Variants in LHFPL3 observed in about 807,000 individuals in gnomAD.
LHFPL3 encodes the protein LHFPL tetraspan subfamily member 3 protein.
In LHFPL3, 5 loss-of-function variants were observed where a neutral mutation model predicts 19.3. The ratio of observed to expected loss-of-function variants is 0.26; its 90% confidence interval spans 0.14 to 0.54. LHFPL3 has a LOEUF of 0.54. LHFPL3 is among the 20% of genes least tolerant of loss of function. The pLI is 0.94. For missense variants in LHFPL3, 249 were observed against 307.4 expected (o/e 0.81, Z 1.42); for synonymous variants, 133 against 126.2 (o/e 1.05, Z -0.36).
intron 1 of LHFPL3, among the ~76,000 whole-genome samples, chr7:104,641,311 C>T (rs1363275169): frequency 1.3e-5 from 2 of 152,226 alleles, no homozygotes; most frequent in Non-Finnish European, 2.9e-5. Flanking sequence ...AAATTAGAAT[C>T]ACAAGTAGCT....
At chr7:104,651,007 T>C (rs1792023165) in intron 1 of LHFPL3, among the ~76,000 whole-genome samples, 1 of 152,140 alleles carries the variant, frequency 6.6e-6, no homozygotes. Flanking sequence ...ACCATCTTCT[T>C]ATGACAGCAG....
rs562521670 is a variant in LHFPL3 at position 104,338,364 on chromosome 7, G to A, written c.445+9140G>A. 2.6e-5 allele frequency among the ~76,000 whole-genome samples: 4 copies of A among 152,160 alleles called. No individual in the cohort carries two copies. The South Asian group carries it at 6.2e-4, about 24-fold the overall frequency. Reference sequence around the variant, plus strand: ...TCTGCCCGCCTCGGCCTCCCAAAGTGCTGGGATTGCAGATGTGAACCACTG... The same window carrying A: ...TCTGCCCGCCTCGGCCTCCCAAAGTACTGGGATTGCAGATGTGAACCACTG... On this transcript the variant is annotated intron_variant, in intron 1 of 2. Coordinates refer to ENST00000424859, the MANE Select transcript of LHFPL3 (RefSeq NM_199000.3).
chr7:104,806,999 A>C (rs1790371719), intron 2 of LHFPL3, among the ~76,000 whole-genome samples: 1 of 145,110 alleles, frequency 6.9e-6, no homozygotes, highest in African/African-American at 2.5e-5. Context: ...ATTGTGCCCC[A>C]CCAAAATATA....
At chr7:104,463,063 T>C (rs1792706714) in intron 1 of LHFPL3, among the ~76,000 whole-genome samples, 1 of 152,208 alleles carries the variant, frequency 6.6e-6, no homozygotes, top group African/African-American at 2.4e-5. Flanking sequence ...TTATTTTTAT[T>C]TCTGTGGGGT....
At chr7:104,597,822 G>T (rs1790892448) in intron 1 of LHFPL3, among the ~76,000 whole-genome samples, 1 of 152,140 alleles carries the variant, frequency 6.6e-6, no homozygotes, top group African/African-American at 2.4e-5. Flanking sequence ...AGCTATGCAT[G>T]AATTACAATT....
chr7:104,555,081 C>T (rs1794738922), intron 1 of LHFPL3, among the ~76,000 whole-genome samples: 1 of 152,166 alleles, frequency 6.6e-6, no homozygotes, highest in Non-Finnish European at 1.5e-5. Flanking sequence ...CCTACTCAGT[C>T]CACCAACTCA....
At chr7:104,744,597 T>C (rs1794004971) in intron 2 of LHFPL3, among the ~76,000 whole-genome samples, 1 of 152,196 alleles carries the variant, frequency 6.6e-6, no homozygotes, top group African/African-American at 2.4e-5. Context: ...ATTCCTCTCC[T>C]CCCACTCTTT....
chr7:104,680,538 C>T (rs146621282), intron 1 of LHFPL3, among the ~76,000 whole-genome samples: 74 of 152,268 alleles, frequency 4.9e-4, no homozygotes, highest in African/African-American at 1.8e-3. Flanking sequence ...ACCATTTCCT[C>T]GTTCTCATCA....
intron 1 of LHFPL3, among the ~76,000 whole-genome samples, chr7:104,444,301 G>T (rs557881987): frequency 9.9e-5 from 15 of 152,258 alleles, no homozygotes; most frequent in Admixed American, 3.9e-4. Context: ...AGCATTGGGG[G>T]TTTTTTTGGC....
intron 1 of LHFPL3, among the ~76,000 whole-genome samples, chr7:104,449,220 A>G (rs1792385293): frequency 6.6e-6 from 1 of 152,238 alleles, no homozygotes; most frequent in Admixed American, 6.5e-5. Flanking sequence ...AAAGCAATCC[A>G]TTAGGATGTA....
chr7:104,425,016 A>G (rs1205021730), intron 1 of LHFPL3, among the ~76,000 whole-genome samples: 1 of 149,402 alleles, frequency 6.7e-6, no homozygotes, highest in Non-Finnish European at 1.5e-5. Flanking sequence ...GAAGTATCTG[A>G]CTCAAAATGT....
intron 1 of LHFPL3, among the ~76,000 whole-genome samples, chr7:104,446,720 C>T (rs1054147564): frequency 1.3e-5 from 2 of 152,014 alleles, no homozygotes; most frequent in Admixed American, 6.6e-5. Context: ...AGACTACAGA[C>T]GTGTGCCACC....
intron 2 of LHFPL3, among the ~76,000 whole-genome samples, chr7:104,858,356 T>G (rs1436923935): frequency 6.6e-6 from 1 of 152,198 alleles, no homozygotes; most frequent in Non-Finnish European, 1.5e-5. Flanking sequence ...TTGAAAACTC[T>G]CCATCCAGGA....
At chr7:104,395,494 C>T (rs1425118775) in intron 1 of LHFPL3, among the ~76,000 whole-genome samples, 1 of 152,194 alleles carries the variant, frequency 6.6e-6, no homozygotes, top group East Asian at 1.9e-4. Flanking sequence ...TTCTTTGCCA[C>T]CTTCTCCCAG....
At chr7:104,350,561 C>A in intron 1 of LHFPL3, among the ~76,000 whole-genome samples, 1 of 152,090 alleles carries the variant, frequency 6.6e-6, no homozygotes, top group East Asian at 1.9e-4. Context: ...TTTATTGAGC[C>A]CTTGCAGAGT....
chr7:104,719,502 C>T (rs970350640), intron 1 of LHFPL3, among the ~76,000 whole-genome samples: 1 of 152,126 alleles, frequency 6.6e-6, no homozygotes, highest in Non-Finnish European at 1.5e-5. Context: ...CTCATTAATT[C>T]CCATTCCACA....
At chr7:104,860,588 A>T (rs756401736) in intron 2 of LHFPL3, among the ~76,000 whole-genome samples, 2 of 152,224 alleles carry the variant, frequency 1.3e-5, no homozygotes, top group Non-Finnish European at 2.9e-5. Flanking sequence ...GTCTCTTCAC[A>T]AAAGCATCAG....
At chr7:104,578,220 T>C (rs1163755282) in intron 1 of LHFPL3, among the ~76,000 whole-genome samples, 1 of 152,250 alleles carries the variant, frequency 6.6e-6, no homozygotes, top group Non-Finnish European at 1.5e-5. Context: ...AGACTTGTTC[T>C]GAAAAGGTTT....
intron 1 of LHFPL3, among the ~76,000 whole-genome samples, chr7:104,414,051 C>T (rs902613252): frequency 3.3e-5 from 5 of 151,720 alleles, no homozygotes. Flanking sequence ...ATGTTAATCC[C>T]TTTATCCCTT....
Sources: allele counts gnomAD v4.1 joint callset (sites outside exome capture counted in the v4.1 genomes callset), GRCh38; gene constraint gnomAD v4.1.1; transcripts MANE v1.5; gene names NCBI Gene and HGNC (gene_info 2026-07-23, HGNC 2026-07-21).